The following SLC36A1 variants were observed in gnomAD, a reference collection of about 807,000 sequenced individuals.
SLC36A1 encodes solute carrier family 36 member 1, also known as proton-coupled amino acid transporter 1.
SLC36A1 carries 30 observed loss-of-function variants against 47.5 expected under a neutral mutation model. The observed-to-expected ratio is 0.63, with a 90% CI of 0.47 to 0.86. The LOEUF is 0.86. Among genes scored for constraint, SLC36A1 ranks in the 40% least tolerant of loss-of-function variants. The pLI, the probability that SLC36A1 is intolerant of heterozygous loss-of-function variation, is 0.00. For missense variants in SLC36A1, 517 were observed against 606.0 expected, an observed-to-expected ratio of 0.85 and a Z score of 1.54; for synonymous variants, 255 against 249.7, an observed-to-expected ratio of 1.02 and a Z score of -0.20.
At chr5:151,366,098 C>G in the SLC36A1 span, among the ~76,000 whole-genome samples, 1 of 152,180 alleles carries the variant, frequency 6.6e-6, no homozygotes, top group Non-Finnish European at 1.5e-5. Flanking sequence ...TGCACATACT[C>G]TTCCTGACAT....
At chr5:151,486,862 CT>C (rs1189933862) in intron 10 of SLC36A1, among the ~76,000 whole-genome samples, 2 of 152,190 alleles carry the variant, frequency 1.3e-5, no homozygotes, top group African/African-American at 4.8e-5. Context: ...GCAGGATGTA[CT>C]TTTCATGGCC....
the SLC36A1 span, among the ~76,000 whole-genome samples, chr5:151,416,634 G>A: frequency 2.7e-5 from 4 of 148,068 alleles, no homozygotes; most frequent in African/African-American, 9.8e-5. Context: ...AAACAAAACA[G>A]CTCTGTTGTC....
the SLC36A1 span, among the ~76,000 whole-genome samples, chr5:151,421,873 A>G: frequency 6.6e-6 from 1 of 152,140 alleles, no homozygotes; most frequent in African/African-American, 2.4e-5. Context: ...TACAGGTGTG[A>G]GCCACCGCGC....
chr5:151,464,681 A>T, intron 4 of SLC36A1, 79 bp downstream of exon 4: 2 of 1,163,490 alleles, frequency 1.7e-6, no homozygotes, highest in Non-Finnish European at 2.6e-6. Flanking sequence ...ATGAGCACTG[A>T]TGCAGACCAC....
the SLC36A1 span, chr5:151,521,463 C>T: frequency 2.9e-5 from 47 of 1,614,118 alleles, no homozygotes; most frequent in African/African-American, 4.0e-5. Flanking sequence ...CTGAATGCTC[C>T]ATCTCCTTGG....
the SLC36A1 span, among the ~76,000 whole-genome samples, chr5:151,382,690 C>T: frequency 3.3e-5 from 5 of 152,162 alleles, no homozygotes; most frequent in East Asian, 1.9e-4. Context: ...CAACTCATTG[C>T]GCCAAATCTG....
the SLC36A1 span, among the ~76,000 whole-genome samples, chr5:151,367,776 T>C: frequency 6.6e-6 from 1 of 152,240 alleles, no homozygotes; most frequent in Non-Finnish European, 1.5e-5. Flanking sequence ...TCCCAATTTA[T>C]GTTCCTCTGC....
chr5:151,437,805 T>C (rs1462549208), intron 1 of SLC36A1, among the ~76,000 whole-genome samples: 1 of 152,196 alleles, frequency 6.6e-6, no homozygotes, highest in Non-Finnish European at 1.5e-5. Context: ...AAATGTATTC[T>C]CTTATAGTTC....
the SLC36A1 span, among the ~76,000 whole-genome samples, chr5:151,552,363 G>A: frequency 9.2e-5 from 14 of 152,222 alleles, no homozygotes; most frequent in South Asian, 4.2e-4. Flanking sequence ...CAAAACAGCC[G>A]TAAGCCAGAA....
At chr5:151,410,936 C>T in the SLC36A1 span, among the ~76,000 whole-genome samples, 3 of 144,634 alleles carry the variant, frequency 2.1e-5, 1 homozygote, top group Non-Finnish European at 4.6e-5. Flanking sequence ...ATATCTCCAG[C>T]AATTGCCAAA....
chr5:151,358,967 C>T, the SLC36A1 span, among the ~76,000 whole-genome samples: 3 of 113,888 alleles, frequency 2.6e-5, no homozygotes, highest in African/African-American at 7.7e-5. Context: ...GGCGACAGAG[C>T]GAGACTCCGT....
At chr5:151,385,414 G>T in the SLC36A1 span, among the ~76,000 whole-genome samples, 34 of 152,290 alleles carry the variant, frequency 2.2e-4, no homozygotes, top group East Asian at 4.1e-3. Flanking sequence ...AGCAGACTGT[G>T]GGGCTCCTAG....
At chr5:151,449,645 C>G (rs1001082563) in intron 1 of SLC36A1, among the ~76,000 whole-genome samples, 1 of 152,176 alleles carries the variant, frequency 6.6e-6, no homozygotes, top group Non-Finnish European at 1.5e-5. Context: ...CTGGAGACTA[C>G]AACTGGGACC....
At chr5:151,537,703 G>C in the SLC36A1 span, 5 of 1,326,180 alleles carry the variant, frequency 3.8e-6, no homozygotes, top group Admixed American at 4.4e-5. Flanking sequence ...GTGAATTCCT[G>C]TTTCTTCTCC....
the SLC36A1 span, among the ~76,000 whole-genome samples, chr5:151,358,105 G>C: frequency 2.6e-5 from 4 of 152,190 alleles, no homozygotes; most frequent in Non-Finnish European, 4.4e-5. Context: ...GTGATTGACT[G>C]ACTAGGCAGC....
rs1759933570 is a variant in SLC36A1 at position 151,489,485 on chromosome 5, T to C, written c.*1231T>C. 1 of 152,604 alleles carries C rather than the reference T, an allele frequency of 6.6e-6. No homozygotes were observed. Among genetic ancestry groups the C allele is most frequent in the Non-Finnish European group, 1.5e-5 (1 of 68,046 alleles). The allele number at this position is 152,604 out of a possible 1,614,324, so 9.5% of individuals were successfully genotyped here. A position where few individuals can be genotyped will look rare whatever the true frequency, so the allele number is the denominator to read the frequency against. ...ACGCGCAGTGCTCGGTTGTTTACAA[T>C]CAGTGGGGAAAAGGGCAGAACCAGT... On this transcript the variant is annotated 3_prime_UTR_variant, in exon 11 of 11. Coordinates refer to ENST00000243389, the MANE Select transcript of SLC36A1 (RefSeq NM_078483.4). This position sits in a 1 kb window ranked among gnomAD's most constrained non-coding sequence, Gnocchi z 4.5.
chr5:151,387,603 C>CTATT, the SLC36A1 span, among the ~76,000 whole-genome samples: 295 of 152,148 alleles, frequency 1.9e-3, 5 homozygotes, highest in African/African-American at 6.8e-3. Flanking sequence ...ACTGCCTGTG[C>CTATT]TATTTATTTA....
At chr5:151,345,207 C>T in the SLC36A1 span, among the ~76,000 whole-genome samples, 21 of 152,304 alleles carry the variant, frequency 1.4e-4, no homozygotes, top group South Asian at 4.1e-3. Flanking sequence ...GGGGTTTACA[C>T]GTGCAACTTT....
At chr5:151,454,991 A>G (rs1001312207) in intron 1 of SLC36A1, among the ~76,000 whole-genome samples, 30 of 151,694 alleles carry the variant, frequency 2.0e-4, no homozygotes, top group African/African-American at 6.8e-4. Context: ...TTGGTTTCCT[A>G]CCCCTCTTGA....
Sources: allele counts gnomAD v4.1 joint callset (sites outside exome capture counted in the v4.1 genomes callset), GRCh38; gene constraint gnomAD v4.1.1; non-coding constraint Gnocchi (gnomAD v3.1); transcripts MANE v1.5; gene names NCBI Gene and HGNC (gene_info 2026-07-23, HGNC 2026-07-21).